Variants in TOGARAM2 observed in about 807,000 individuals in gnomAD.
TOGARAM2 encodes TOG array regulator of axonemal microtubules 2.
Under a neutral mutation model 93.3 loss-of-function variants are expected in TOGARAM2, and 85 were observed. The observed-to-expected ratio is 0.91, with a 90% CI of 0.76 to 1.09. The LOEUF is 1.09. Among genes scored for constraint, TOGARAM2 ranks in the 50% least tolerant of loss-of-function variants. The pLI is 0.00. For synonymous variants in TOGARAM2, 593 were observed against 552.8 expected (o/e 1.07, Z -1.02); for missense variants, 1,277 against 1,334.5 (o/e 0.96, Z 0.67).
chr2:29,001,636 G>A (rs1673303796), intron 4 of TOGARAM2, among the ~76,000 whole-genome samples: 1 of 152,164 alleles, frequency 6.6e-6, no homozygotes, highest in South Asian at 2.1e-4. Context: ...CGGTAGCTGG[G>A]ACTACAGGCA....
At chr2:28,995,585 A>C (rs1309353607) in intron 2 of TOGARAM2, among the ~76,000 whole-genome samples, 1 of 152,236 alleles carries the variant, frequency 6.6e-6, no homozygotes, top group Non-Finnish European at 1.5e-5. Context: ...ATCCCACCTG[A>C]ATGTAGATTC....
intron 19 of TOGARAM2, chr2:29,046,067 A>G (rs1204935326): frequency 6.4e-6 from 1 of 156,168 alleles, no homozygotes; most frequent in African/African-American, 2.4e-5. Flanking sequence ...GCAAGCAGGC[A>G]CCAGCTGGGT....
At chr2:28,997,920 G>A (rs574686641) in intron 2 of TOGARAM2, among the ~76,000 whole-genome samples, 7 of 152,318 alleles carry the variant, frequency 4.6e-5, no homozygotes, top group African/African-American at 1.7e-4. Flanking sequence ...AGGCTGAGAG[G>A]CTGGGGCAAG....
chr2:29,008,552 G>A (rs1254534214), intron 6 of TOGARAM2, among the ~76,000 whole-genome samples: 2 of 152,182 alleles, frequency 1.3e-5, no homozygotes, highest in East Asian at 3.8e-4. Context: ...TGCCTCCCTG[G>A]TTCTAGTAAT....
intron 6 of TOGARAM2, among the ~76,000 whole-genome samples, chr2:29,006,441 T>C (rs1261343676): frequency 6.6e-6 from 1 of 151,122 alleles, no homozygotes; most frequent in East Asian, 1.9e-4. Context: ...TGCATGTGTG[T>C]GCATGTGTAT....
At chr2:28,985,328 T>TA (rs2148244382) in intron 1 of TOGARAM2, among the ~76,000 whole-genome samples, 1 of 112,640 alleles carries the variant, frequency 8.9e-6, no homozygotes, top group African/African-American at 3.4e-5. Context: ...ACTAAATTGC[T>TA]GGGGTTTTTT....
intron 1 of TOGARAM2, among the ~76,000 whole-genome samples, chr2:28,967,984 A>G (rs1671890260): frequency 6.6e-6 from 1 of 151,750 alleles, no homozygotes; most frequent in African/African-American, 2.4e-5. Context: ...ACACCTGGCT[A>G]ATTTTTGTGT....
chr2:29,036,599 C>G lies in TOGARAM2; in HGVS notation c.2477C>G (p.Ala826Gly). ...QDSNKKVNQW[A>G]LESFAKMIPL... ...TCCAACAAGAAAGTGAACCAGTGGG[C>G]GCTGGAGTCCTTCGCCAAGATGATC... The change falls in exon 18 of 20, where the codon GCG becomes GGG. Residue 826 changes from alanine (A) to glycine (G), a missense_variant. Ala to Gly is a moderately conservative substitution (Grantham distance 60). Transcript: ENST00000379558. 1 of 1,614,000 alleles carries G rather than the reference C, an allele frequency of 6.2e-7. No homozygotes were observed. Among genetic ancestry groups the G allele is most frequent in the Non-Finnish European group, 8.5e-7 (1 of 1,179,896 alleles).
At chr2:28,963,988 CAG>C (rs1175193143) in intron 1 of TOGARAM2, among the ~76,000 whole-genome samples, 3 of 152,108 alleles carry the variant, frequency 2.0e-5, no homozygotes, top group African/African-American at 4.8e-5. Context: ...GCCTGGGTGA[CAG>C]AGCAAAAACT....
intron 18 of TOGARAM2, among the ~76,000 whole-genome samples, chr2:29,037,541 A>C (rs1666191184): frequency 6.6e-6 from 1 of 152,110 alleles, no homozygotes; most frequent in Non-Finnish European, 1.5e-5. Flanking sequence ...TCCTTTAGAG[A>C]GGCTGGACAC....
chr2:29,032,272 C>T (rs1366980788), intron 14 of TOGARAM2, among the ~76,000 whole-genome samples: 1 of 152,218 alleles, frequency 6.6e-6, no homozygotes, highest in Non-Finnish European at 1.5e-5. Flanking sequence ...TCACTATTCT[C>T]CAATATATCC....
intron 14 of TOGARAM2, among the ~76,000 whole-genome samples, chr2:29,030,206 G>T (rs917023174): frequency 3.9e-5 from 6 of 152,160 alleles, no homozygotes; most frequent in African/African-American, 1.2e-4. Context: ...AGGCCAGGAG[G>T]CACTGGTTGC....
At chr2:29,007,202 A>C (rs1385263502) in intron 6 of TOGARAM2, among the ~76,000 whole-genome samples, 1 of 152,146 alleles carries the variant, frequency 6.6e-6, no homozygotes, top group Non-Finnish European at 1.5e-5. Flanking sequence ...AACCATCCAC[A>C]GGTCAGGCTC....
intron 11 of TOGARAM2, 151 bp from the exon 12 acceptor site, chr2:29,022,935 C>T (rs1277485778): frequency 1.4e-5 from 9 of 638,648 alleles, no homozygotes; most frequent in Admixed American, 2.9e-5. Context: ...GGGTGTTACC[C>T]CGGGAAACCC....
In TOGARAM2 at chr2:28,972,955, A is replaced by T. The variant is rs140906220; in HGVS notation, c.-147+16258A>T. Reference sequence around the variant, plus strand: ...CTGTCCTCCTACACTCCTGTTAATTAGTGTCCGAGCCACGTGGCCAAGCCC... The same window carrying T: ...CTGTCCTCCTACACTCCTGTTAATTTGTGTCCGAGCCACGTGGCCAAGCCC... On this transcript the variant is annotated intron_variant, in intron 1 of 6. Transcript: ENST00000401723. Among the ~76,000 whole-genome samples the T allele has an allele frequency of 2.0e-3, 302 of 152,298 alleles. 2 individuals are homozygous for T. The highest frequency in any genetic ancestry group is 7.6e-4 in the Non-Finnish European group (52 of 68,026).
At chr2:29,007,014 T>G (rs1663920465) in intron 6 of TOGARAM2, among the ~76,000 whole-genome samples, 1 of 152,214 alleles carries the variant, frequency 6.6e-6, no homozygotes, top group South Asian at 2.1e-4. Context: ...TATACCTGCT[T>G]CTCGACCTTC....
chr2:28,992,841 CTTGAGGCCAGAAGT>C (rs1361273696), intron 1 of TOGARAM2, among the ~76,000 whole-genome samples: 1 of 152,188 alleles, frequency 6.6e-6, no homozygotes, highest in Non-Finnish European at 1.5e-5. Flanking sequence ...AGGCAGATTA[CTTGAGGCCAGAAGT>C]TTGAGACCAG....
chr2:29,008,394 G>A (rs951758926), intron 6 of TOGARAM2, among the ~76,000 whole-genome samples: 2 of 151,894 alleles, frequency 1.3e-5, no homozygotes, highest in African/African-American at 2.4e-5. Flanking sequence ...TAGGTGATCT[G>A]CCCACTTTGG....
chr2:29,047,315 C>T (rs1163698537), intron 19 of TOGARAM2: 1 of 152,234 alleles, frequency 6.6e-6, no homozygotes, highest in Non-Finnish European at 1.5e-5. Flanking sequence ...GAAAGGTTTA[C>T]CTGTCCTTGT....
Sources: gnomAD v4.1 joint callset for allele counts (sites outside exome capture counted in the v4.1 genomes callset) on GRCh38, gnomAD v4.1.1 for gene constraint, MANE v1.5 for transcripts, NCBI Gene and HGNC (gene_info 2026-07-23, HGNC 2026-07-21) for gene names.